ARHGAP39: variants seen among roughly 807,000 people sequenced by gnomAD.
ARHGAP39 encodes rho GTPase-activating protein 39.
ARHGAP39 carries 44 observed loss-of-function variants against 106.9 expected under a neutral mutation model. The observed-to-expected ratio is 0.41, with a 90% CI of 0.32 to 0.53. ARHGAP39 has a LOEUF of 0.53. Ranked by LOEUF, ARHGAP39 falls within the 20% of genes least tolerant of loss-of-function variation. ARHGAP39 has a pLI of 0.21. For synonymous variants in ARHGAP39, 768 were observed against 693.2 expected (o/e 1.11, Z -1.69); for missense variants, 1,496 against 1,577.3 (o/e 0.95, Z 0.87).
At chr8:144,683,732 CAT>C (rs934990655) in intron 1 of ARHGAP39, among the ~76,000 whole-genome samples, 1 of 152,104 alleles carries the variant, frequency 6.6e-6, no homozygotes, top group Non-Finnish European at 1.5e-5. Flanking sequence ...CCTTTATAAA[CAT>C]GTGTTCATCC....
chr8:144,566,008 C>T (rs1417432022), intron 3 of ARHGAP39, among the ~76,000 whole-genome samples: 2 of 151,390 alleles, frequency 1.3e-5, no homozygotes, highest in Admixed American at 1.3e-4. Context: ...GTGGGAGGAT[C>T]GCTTGAGCCC....
intron 1 of ARHGAP39, among the ~76,000 whole-genome samples, chr8:144,609,454 G>C (rs1820410686): frequency 1.3e-5 from 2 of 149,208 alleles, no homozygotes; most frequent in Non-Finnish European, 3.0e-5. Flanking sequence ...CAGGCTGGAG[G>C]GCAGTGGCAT....
At chr8:144,563,285 G>A (rs1207968911) in intron 3 of ARHGAP39, among the ~76,000 whole-genome samples, 1 of 152,172 alleles carries the variant, frequency 6.6e-6, no homozygotes, top group East Asian at 1.9e-4. Context: ...GCATCAACAC[G>A]AACTTCATGC....
chr8:144,548,011 G>T lies in ARHGAP39; in HGVS notation c.1075C>A (p.Pro359Thr), dbSNP rs1247205407. The part of the protein sequence containing the change: ...PGRKPRPFLQ[P>T]NKQGPPSPCQ... ...GGCGAGGGGGGGCCCTGCTTGTTGG[G>T]CTGGAGGAACGGCCGGGGCTTACGG... is the stretch of plus-strand genomic sequence containing the variant. The change falls in exon 5 of 12, where the codon CCC becomes ACC. Residue 359 changes from proline to threonine, a missense_variant. Around this residue, in one of 4 missense-constraint regions of ARHGAP39, gnomAD observed 905 missense variants for 816.4 expected, o/e 1.11. Transcript: ENST00000377307. This position sits in a 1 kb window ranked among gnomAD's most constrained non-coding sequence, Gnocchi z 7.4. 6.2e-7 allele frequency: 1 copy of T among 1,609,902 alleles called. No individual in the cohort carries two copies. The highest frequency in any genetic ancestry group is 1.1e-5 in the South Asian group (1 of 90,964).
intron 1 of ARHGAP39, among the ~76,000 whole-genome samples, chr8:144,668,135 C>A (rs1822010104): frequency 6.6e-6 from 1 of 152,012 alleles, no homozygotes; most frequent in East Asian, 1.9e-4. Flanking sequence ...GTTTCCTCCC[C>A]ATTTTTTCAG....
At chr8:144,549,631 T>G (rs1033174921) in intron 4 of ARHGAP39, among the ~76,000 whole-genome samples, 4 of 152,130 alleles carry the variant, frequency 2.6e-5, no homozygotes, top group African/African-American at 9.7e-5. Context: ...TAGCTGGGAT[T>G]ACAGGCACAC....
chr8:144,642,322 C>G (rs1280592267), intron 1 of ARHGAP39, among the ~76,000 whole-genome samples: 1 of 152,020 alleles, frequency 6.6e-6, no homozygotes, highest in African/African-American at 2.4e-5. Flanking sequence ...CCTGACTCTA[C>G]TAAAAATACA....
At position 144,547,335 on chromosome 8, in the gene ARHGAP39, C is replaced by T. The variant is rs1817476951; in HGVS notation, c.1751G>A (p.Gly584Asp). 6.2e-7 allele frequency: 1 copy of T among 1,607,212 alleles called. No homozygotes were observed. The highest frequency in any genetic ancestry group is 1.3e-5 in the African/African-American group (1 of 74,874). Residue 584 changes from glycine (G) to aspartate (D), a missense_variant, in exon 5 of 12, where the codon GGC becomes GAC. This residue lies in a region of ARHGAP39 where 905 missense variants were observed against 816.4 expected (regional missense o/e 1.11). Coordinates refer to ENST00000377307, the MANE Select transcript of ARHGAP39 (RefSeq NM_025251.3). This position sits in a 1 kb window ranked among gnomAD's most constrained non-coding sequence, Gnocchi z 5.2. ...SSWDSQQDGS[G>D]YESDGALPLP... is the part of the protein sequence containing the mutation. Reference sequence around the variant, plus strand: ...TGGCAGGGCGCCGTCGCTCTCGTAGCCAGAGCCGTCCTGCTGGGAGTCCCA... The same window carrying T: ...TGGCAGGGCGCCGTCGCTCTCGTAGTCAGAGCCGTCCTGCTGGGAGTCCCA...
At position 144,548,283 on chromosome 8, in the gene ARHGAP39, G is replaced by T; in HGVS notation, c.803C>A (p.Pro268Gln). Residue 268 changes from proline (P) to glutamine (Q), a missense_variant, in exon 5 of 12, where the codon CCA becomes CAA. This residue lies in a region of ARHGAP39 where 905 missense variants were observed against 816.4 expected (regional missense o/e 1.11). Coordinates refer to ENST00000377307, the MANE Select transcript of ARHGAP39 (RefSeq NM_025251.3). This position sits in a 1 kb window ranked among gnomAD's most constrained non-coding sequence, Gnocchi z 7.4. ...CAGGAAGGGTGACGGCCTCCTCTCT[G>T]GGAAGAAGATGGTGCCGTCAGCCTC... ...APEADGTIFFPERRPSPFLKR... is the reference protein window; with the variant it reads ...APEADGTIFFQERRPSPFLKR... 1 of 1,609,092 alleles carries T rather than the reference G, an allele frequency of 6.2e-7. No homozygotes were observed. The highest frequency in any genetic ancestry group is 8.5e-7 in the Non-Finnish European group (1 of 1,177,786).
At chr8:144,562,408 TC>T in intron 3 of ARHGAP39, among the ~76,000 whole-genome samples, 1 of 150,566 alleles carries the variant, frequency 6.6e-6, no homozygotes, top group African/African-American at 2.5e-5. Context: ...TCCATCGCGC[TC>T]CAGTGGTTTC....
intron 2 of ARHGAP39, among the ~76,000 whole-genome samples, chr8:144,595,890 A>T (rs1193746362): frequency 6.6e-6 from 1 of 152,032 alleles, no homozygotes; most frequent in Admixed American, 6.5e-5. Context: ...CCCCTCCCTG[A>T]TCTGCTCTTT....
chr8:144,535,418 T>A (rs191026492), intron 7 of ARHGAP39, among the ~76,000 whole-genome samples: 267 of 152,364 alleles, frequency 1.8e-3, no homozygotes, highest in African/African-American at 6.1e-3. Context: ...GCCTCCAGCG[T>A]GGGACCATGT....
At chr8:144,676,832 G>T (rs1279537285) in intron 1 of ARHGAP39, among the ~76,000 whole-genome samples, 1 of 152,268 alleles carries the variant, frequency 6.6e-6, no homozygotes, top group Non-Finnish European at 1.5e-5. Flanking sequence ...CGCAGCAGCT[G>T]GCTGAAGGGC....
At chr8:144,618,715 C>T (rs1420345045) in intron 1 of ARHGAP39, among the ~76,000 whole-genome samples, 3 of 152,248 alleles carry the variant, frequency 2.0e-5, no homozygotes, top group Non-Finnish European at 4.4e-5. Flanking sequence ...CAGGAAGCGG[C>T]TCCCTGCAAC....
intron 7 of ARHGAP39, among the ~76,000 whole-genome samples, chr8:144,535,203 C>T (rs1172921737): frequency 6.6e-6 from 1 of 152,172 alleles, no homozygotes; most frequent in Non-Finnish European, 1.5e-5. Context: ...CAGCTGAGGG[C>T]ATGGGGTCCT....
intron 2 of ARHGAP39, among the ~76,000 whole-genome samples, chr8:144,595,174 A>G (rs1819567201): frequency 6.6e-6 from 1 of 152,256 alleles, no homozygotes; most frequent in Non-Finnish European, 1.5e-5. Flanking sequence ...CATAATAGCC[A>G]AAAAGTGGCA....
intron 6 of ARHGAP39, among the ~76,000 whole-genome samples, chr8:144,539,496 G>C (rs1817105616): frequency 6.6e-6 from 1 of 152,208 alleles, no homozygotes; most frequent in South Asian, 2.1e-4. Flanking sequence ...AGGAGAGCAA[G>C]CATTTTCTCC....
chr8:144,648,561 T>C (rs1821500166), intron 1 of ARHGAP39, among the ~76,000 whole-genome samples: 1 of 152,156 alleles, frequency 6.6e-6, no homozygotes, highest in Non-Finnish European at 1.5e-5. Flanking sequence ...TTCTGGCTGT[T>C]TAAAAGCTTT....
the ARHGAP39 span, among the ~76,000 whole-genome samples, chr8:144,693,284 C>A: frequency 6.7e-6 from 1 of 148,996 alleles, no homozygotes; most frequent in Non-Finnish European, 1.5e-5. Context: ...AGGCTGGTCT[C>A]GAACTCCTGA....
Sources: allele counts gnomAD v4.1 joint callset (sites outside exome capture counted in the v4.1 genomes callset), GRCh38; gene constraint gnomAD v4.1.1; regional missense constraint gnomAD v4.1.1; non-coding constraint Gnocchi (gnomAD v3.1); transcripts MANE v1.5; gene names NCBI Gene and HGNC (gene_info 2026-07-23, HGNC 2026-07-21).